NXPE2: variants seen among roughly 807,000 people sequenced by gnomAD.
The protein encoded by NXPE2 is neurexophilin and PC-esterase domain family member 2, also known as NXPE family member 2.
Under a neutral mutation model 34.4 loss-of-function variants are expected in NXPE2, and 34 were observed. The observed-to-expected ratio is 0.99, with a 90% CI of 0.75 to 1.31. The LOEUF is 1.31. Ranked by LOEUF, NXPE2 falls within the 40% of genes most tolerant of loss-of-function variation. The pLI is 0.00. For missense variants in NXPE2, 649 were observed against 672.5 expected (o/e 0.97, Z 0.39); for synonymous variants, 235 against 231.3 (o/e 1.02, Z -0.15).
the NXPE2 span, among the ~76,000 whole-genome samples, chr11:114,728,387 G>T: frequency 1.3e-5 from 2 of 152,044 alleles, no homozygotes; most frequent in African/African-American, 2.4e-5. Context: ...CCTCACAGAT[G>T]AATCACATGG....
the NXPE2 span, among the ~76,000 whole-genome samples, chr11:114,602,679 T>G: frequency 7.8e-5 from 11 of 141,790 alleles, no homozygotes; most frequent in African/African-American, 2.5e-4. Context: ...CAGAATCATA[T>G]GTAATAATTA....
At chr11:114,745,844 G>A in the NXPE2 span, among the ~76,000 whole-genome samples, 1 of 152,064 alleles carries the variant, frequency 6.6e-6, no homozygotes, top group Non-Finnish European at 1.5e-5. Flanking sequence ...GTTATATAAT[G>A]TTACAAATGT....
chr11:114,528,862 A>G, the NXPE2 span: 5 of 655,072 alleles, frequency 7.6e-6, no homozygotes, highest in Admixed American at 6.2e-5. Context: ...GCATGTTTTC[A>G]TCCTTACTAG....
the NXPE2 span, chr11:114,583,595 G>T: frequency 3.4e-5 from 20 of 595,424 alleles, no homozygotes; most frequent in East Asian, 1.8e-4. Context: ...GTTGTCTACT[G>T]GTGGCTCTGT....
At chr11:114,811,350 A>AT in the NXPE2 span, among the ~76,000 whole-genome samples, 336 of 151,408 alleles carry the variant, frequency 2.2e-3, 8 homozygotes, top group Admixed American at 0.02. Context: ...ATAAAATAAA[A>AT]AAAATGCAAA....
At chr11:114,627,267 G>C in the NXPE2 span, among the ~76,000 whole-genome samples, 3 of 152,038 alleles carry the variant, frequency 2.0e-5, no homozygotes, top group Non-Finnish European at 4.4e-5. Flanking sequence ...GGCAGCCAGA[G>C]AGAAAGGTCG....
the NXPE2 span, among the ~76,000 whole-genome samples, chr11:114,783,303 A>G: frequency 6.6e-6 from 1 of 152,182 alleles, no homozygotes; most frequent in Non-Finnish European, 1.5e-5. Flanking sequence ...CACCAAGAAC[A>G]TTTTCTACCA....
the NXPE2 span, among the ~76,000 whole-genome samples, chr11:114,754,771 C>T: frequency 2.0e-5 from 3 of 152,102 alleles, no homozygotes; most frequent in African/African-American, 4.8e-5. Context: ...GCCTTAGTGT[C>T]GGAGCAAGGA....
the NXPE2 span, among the ~76,000 whole-genome samples, chr11:114,657,308 G>C: frequency 1.3e-5 from 2 of 152,080 alleles, no homozygotes; most frequent in Non-Finnish European, 2.9e-5. Context: ...TCTCGATATA[G>C]AATTTAGAGG....
At position 114,698,400 on chromosome 11, in the gene NXPE2, C is replaced by A. The variant is rs758576891; in HGVS notation, c.488C>A (p.Ala163Asp). 2 of 1,613,962 alleles carry A rather than the reference C, an allele frequency of 1.2e-6. No individual in the cohort carries two copies. Among genetic ancestry groups the A allele is most frequent in the Admixed American group, 1.7e-5 (1 of 59,992 alleles). The change falls in exon 3 of 6, where the codon GCT (alanine) becomes GAT (aspartate). Residue 163 changes from alanine (A) to aspartate (D), a missense_variant. Physicochemically the swap from Ala to Asp is moderately radical, Grantham distance 126. Coordinates refer to ENST00000389586, the MANE Select transcript of NXPE2 (RefSeq NM_182495.6). ...RMYSTALMAG[A>D]SGKVTDFNNG... ...TACTCCACAGCACTAATGGCAGGTG[C>A]TTCAGGAAAGGTGACTGACTTCAAC...
At chr11:114,762,217 G>A in the NXPE2 span, among the ~76,000 whole-genome samples, 1 of 152,170 alleles carries the variant, frequency 6.6e-6, no homozygotes, top group Non-Finnish European at 1.5e-5. Context: ...ATGGGCCTGG[G>A]TTGGGAAGTG....
At chr11:114,554,068 A>C in the NXPE2 span, 1 of 985,418 alleles carries the variant, frequency 1.0e-6, no homozygotes, top group Admixed American at 6.1e-5. Context: ...TGGTATCCCA[A>C]ATCAGAAACT....
chr11:114,598,119 A>T, the NXPE2 span, among the ~76,000 whole-genome samples: 1 of 152,184 alleles, frequency 6.6e-6, no homozygotes. Flanking sequence ...AAAGGGAAAA[A>T]TTGGCAGAAA....
chr11:114,467,974 C>T, the NXPE2 span, among the ~76,000 whole-genome samples: 1 of 151,428 alleles, frequency 6.6e-6, no homozygotes, highest in Non-Finnish European at 1.5e-5. Flanking sequence ...AAAACAGATC[C>T]CTAAGAAATA....
chr11:114,558,957 T>A, the NXPE2 span, among the ~76,000 whole-genome samples: 2 of 152,160 alleles, frequency 1.3e-5, no homozygotes, highest in African/African-American at 4.8e-5. Context: ...ATGAAATGGT[T>A]AAGAAACATG....
chr11:114,562,739 A>T, the NXPE2 span, among the ~76,000 whole-genome samples: 1 of 152,178 alleles, frequency 6.6e-6, no homozygotes, highest in African/African-American at 2.4e-5. Context: ...AATGACTCAT[A>T]TGAGTGGGAA....
chr11:114,609,522 G>A, the NXPE2 span, among the ~76,000 whole-genome samples: 15 of 151,606 alleles, frequency 9.9e-5, no homozygotes, highest in African/African-American at 2.7e-4. Flanking sequence ...GTACTGCTTC[G>A]TGGGTAACCA....
At chr11:114,479,263 G>A in the NXPE2 span, among the ~76,000 whole-genome samples, 1 of 152,296 alleles carries the variant, frequency 6.6e-6, no homozygotes, top group South Asian at 2.1e-4. Context: ...TAAAGCCAGA[G>A]ATTGGTATAA....
At chr11:114,766,197 T>C in the NXPE2 span, among the ~76,000 whole-genome samples, 2 of 152,162 alleles carry the variant, frequency 1.3e-5, no homozygotes, top group African/African-American at 4.8e-5. Flanking sequence ...CATCTTGCAA[T>C]GCAGGCTGTT....
Sources: allele counts gnomAD v4.1 joint callset (sites outside exome capture counted in the v4.1 genomes callset), GRCh38; gene constraint gnomAD v4.1.1; transcripts MANE v1.5; gene names NCBI Gene and HGNC (gene_info 2026-07-23, HGNC 2026-07-21).